Variants in HSD17B12 observed in about 807,000 individuals in gnomAD.
The protein encoded by HSD17B12 is very-long-chain 3-oxoacyl-CoA reductase.
HSD17B12 carries 32 observed loss-of-function variants against 39.3 expected under a neutral mutation model. That is an observed-to-expected ratio of 0.81 (90% CI 0.61 to 1.09). HSD17B12 has a LOEUF of 1.09. HSD17B12 is among the 50% of genes least tolerant of loss of function. The pLI is 0.00. For missense variants in HSD17B12, 342 were observed against 382.9 expected, an observed-to-expected ratio of 0.89 and a Z score of 0.89; for synonymous variants, 150 against 146.7, an observed-to-expected ratio of 1.02 and a Z score of -0.16.
At chr11:43,593,722 T>A in the HSD17B12 span, among the ~76,000 whole-genome samples, 7 of 151,968 alleles carry the variant, frequency 4.6e-5, no homozygotes, top group Non-Finnish European at 1.0e-4. Flanking sequence ...GATTTTGTGA[T>A]TAAAAGGTAT....
At chr11:43,708,587 AACACC>A (rs1203769910) in intron 1 of HSD17B12, among the ~76,000 whole-genome samples, 1 of 152,246 alleles carries the variant, frequency 6.6e-6, no homozygotes, top group African/African-American at 2.4e-5. Flanking sequence ...TGAATAGTTC[AACACC>A]ACATTCTCAT....
intron 1 of HSD17B12, among the ~76,000 whole-genome samples, chr11:43,691,091 G>A (rs1035573558): frequency 5.3e-5 from 8 of 152,128 alleles, no homozygotes; most frequent in African/African-American, 1.9e-4. Flanking sequence ...TCTCCCCAGC[G>A]TGTTCTGGAC....
chr11:43,796,282 G>A (rs572915251), intron 3 of HSD17B12, among the ~76,000 whole-genome samples: 6 of 152,158 alleles, frequency 3.9e-5, no homozygotes, highest in East Asian at 3.9e-4. Flanking sequence ...AGCCGGGAAC[G>A]ATGGTGTGTG....
intron 6 of HSD17B12, among the ~76,000 whole-genome samples, chr11:43,828,153 T>C (rs1056437590): frequency 6.0e-5 from 9 of 150,380 alleles, no homozygotes; most frequent in Non-Finnish European, 1.3e-4. Flanking sequence ...TTTTTTTTTT[T>C]TTTTTTTGAG....
chr11:43,729,623 A>C (rs1950250715), intron 1 of HSD17B12, among the ~76,000 whole-genome samples: 1 of 152,214 alleles, frequency 6.6e-6, no homozygotes, highest in Non-Finnish European at 1.5e-5. Flanking sequence ...TTGTATTAAA[A>C]GTTCTATTTG....
chr11:43,710,562 C>A (rs980110907), intron 1 of HSD17B12, among the ~76,000 whole-genome samples: 25 of 152,120 alleles, frequency 1.6e-4, no homozygotes, highest in African/African-American at 6.0e-4. Context: ...AATAATTTAT[C>A]TTTATTTTAT....
chr11:43,703,054 C>T (rs1213242462), intron 1 of HSD17B12, among the ~76,000 whole-genome samples: 1 of 151,898 alleles, frequency 6.6e-6, no homozygotes, highest in African/African-American at 2.4e-5. Flanking sequence ...TTTGATGTAC[C>T]TCTGTCTAGT....
At chr11:43,838,497 T>C (rs1951392735) in intron 8 of HSD17B12, 99 bp downstream of exon 8, 2 of 931,420 alleles carry the variant, frequency 2.1e-6, no homozygotes, top group African/African-American at 1.6e-5. Context: ...GTTCTGTTCT[T>C]GGCAGTTTTC....
chr11:43,684,399 G>A (rs1411753529), intron 1 of HSD17B12, among the ~76,000 whole-genome samples: 1 of 152,172 alleles, frequency 6.6e-6, no homozygotes, highest in Non-Finnish European at 1.5e-5. Flanking sequence ...CTGCTATAGA[G>A]CAATAAAAAA....
chr11:43,848,511 T>G (rs752088004), intron 9 of HSD17B12: 4 of 152,230 alleles, frequency 2.6e-5, no homozygotes, highest in Non-Finnish European at 4.4e-5. Context: ...TCTTTCCAAA[T>G]TCATTCTAAA....
chr11:43,846,710 A>G (rs1951478325), intron 9 of HSD17B12, among the ~76,000 whole-genome samples: 1 of 152,206 alleles, frequency 6.6e-6, no homozygotes, highest in South Asian at 2.1e-4. Context: ...CTTAAAGTCA[A>G]TTTAGTTTAT....
chr11:43,676,994 G>A (rs944239942), upstream of HSD17B12, among the ~76,000 whole-genome samples: 1 of 152,148 alleles, frequency 6.6e-6, no homozygotes, highest in Non-Finnish European at 1.5e-5. Context: ...GAGAAGTTGA[G>A]GACGAAGAGT....
At chr11:43,751,077 A>G (rs1950461179) in intron 2 of HSD17B12, 120 bp downstream of exon 2, 1 of 551,906 alleles carries the variant, frequency 1.8e-6, no homozygotes, top group Non-Finnish European at 3.0e-6. Flanking sequence ...GCATGGTACA[A>G]TAGATGCTTT....
At chr11:43,833,863 T>C (rs1951339521) in intron 7 of HSD17B12, 1 of 152,176 alleles carries the variant, frequency 6.6e-6, no homozygotes, top group African/African-American at 2.4e-5. Flanking sequence ...ACTAAGGTAT[T>C]GTTACCATAG....
At chr11:43,682,544 C>CAAAAAAAAAAAAAAA (rs55938101) in intron 1 of HSD17B12, among the ~76,000 whole-genome samples, 1 of 118,446 alleles carries the variant, frequency 8.4e-6, no homozygotes, top group African/African-American at 3.2e-5. Flanking sequence ...AGACTCATCT[C>CAAAAAAAAAAAAAAA]AAAAAAAAAA....
the HSD17B12 span, among the ~76,000 whole-genome samples, chr11:43,624,356 A>C: frequency 1.2e-3 from 175 of 152,068 alleles, no homozygotes; most frequent in African/African-American, 4.0e-3. Context: ...TATGTCCAAT[A>C]AATAAATAAA....
the HSD17B12 span, among the ~76,000 whole-genome samples, chr11:43,571,050 T>C: frequency 6.6e-6 from 1 of 152,202 alleles, no homozygotes; most frequent in African/African-American, 2.4e-5. Context: ...ATCCCCATTC[T>C]TTACTCTTGG....
intron 1 of HSD17B12, among the ~76,000 whole-genome samples, chr11:43,715,144 A>G (rs1415114275): frequency 6.6e-6 from 1 of 152,132 alleles, no homozygotes; most frequent in African/African-American, 2.4e-5. Context: ...TGCCCTCGCC[A>G]GAACTTCCAA....
At position 43,855,460 on chromosome 11, in the gene HSD17B12, A is replaced by G; in HGVS notation, c.*212A>G. On this transcript the variant is annotated 3_prime_UTR_variant, in exon 11 of 11. Coordinates refer to ENST00000278353, the MANE Select transcript of HSD17B12 (RefSeq NM_016142.3). ...ATCCGAGGTAATTTTGAAGTTTAAT[A>G]TAAATGCTCATATCAAATGAATATA... is the stretch of plus-strand genomic sequence containing the variant. 1 of 318,916 alleles carries G rather than the reference A, an allele frequency of 3.1e-6. No homozygotes were observed. 19.8% of individuals were successfully genotyped at this position (318,916 alleles called of 1,614,324 possible).
Sources: allele counts gnomAD v4.1 joint callset (sites outside exome capture counted in the v4.1 genomes callset), GRCh38; gene constraint gnomAD v4.1.1; transcripts MANE v1.5; gene names NCBI Gene and HGNC (gene_info 2026-07-23, HGNC 2026-07-21).